Variants in ABCB1 observed in about 807,000 individuals in gnomAD.
ABCB1 encodes ATP binding cassette subfamily B member 1.
In ABCB1, 69 loss-of-function variants were observed where a neutral mutation model predicts 142.0. The observed-to-expected ratio is 0.49, with a 90% confidence interval of 0.40 to 0.59. The LOEUF is 0.59. ABCB1 is among the 20% of genes least tolerant of loss of function. The pLI is 0.00. For synonymous variants in ABCB1, 532 were observed against 539.2 expected (o/e 0.99, Z 0.18); for missense variants, 1,326 against 1,554.7 (o/e 0.85, Z 2.47).
chr7:87,685,124 T>G (rs976351290), intron 1 of ABCB1, among the ~76,000 whole-genome samples: 1 of 152,178 alleles, frequency 6.6e-6, no homozygotes, highest in African/African-American at 2.4e-5. Flanking sequence ...TTTTACTCCC[T>G]GAAAGACACT....
intron 1 of ABCB1, among the ~76,000 whole-genome samples, chr7:87,660,575 C>G (rs1824595927): frequency 6.6e-6 from 1 of 151,646 alleles, no homozygotes; most frequent in South Asian, 2.1e-4. Flanking sequence ...AGAGATTTGT[C>G]TGTTTTATTA....
chr7:87,603,684 C>A (rs575347783), upstream of ABCB1, among the ~76,000 whole-genome samples: 1 of 152,316 alleles, frequency 6.6e-6, no homozygotes, highest in African/African-American at 2.4e-5. Flanking sequence ...ACATGTAAAT[C>A]ATTAAACTAA....
chr7:87,516,576 G>T lies in ABCB1; in HGVS notation c.3017C>A (p.Ala1006Asp). ...TTTTTCAATGATCATGATGATGTGG[G>T]CTGCTGATATTTTGGCTTTGGCATA... ...PDYAKAKISAAHIIMIIEKTP... is the reference protein window; with the variant it reads ...PDYAKAKISADHIIMIIEKTP... Residue 1006 changes from alanine to aspartate, a missense_variant, in exon 24 of 28, where the codon GCC becomes GAC. Physicochemically the swap from Ala to Asp is moderately radical, Grantham distance 126. Transcript: ENST00000622132. The T allele has an allele frequency of 6.2e-7, 1 of 1,614,160 alleles. No homozygotes were observed. The highest frequency in any genetic ancestry group is 1.1e-5 in the South Asian group (1 of 91,090).
chr7:87,709,509 T>A, intron 1 of ABCB1: 1 of 985,404 alleles, frequency 1.0e-6, no homozygotes, highest in Non-Finnish European at 1.2e-6. Context: ...TTGAGCTTGG[T>A]AGGTAAATTG....
chr7:87,658,832 G>C (rs1411633639), intron 1 of ABCB1, among the ~76,000 whole-genome samples: 1 of 152,112 alleles, frequency 6.6e-6, no homozygotes, highest in Non-Finnish European at 1.5e-5. Flanking sequence ...ATGTGTTGCC[G>C]GCAGACTTAC....
chr7:87,649,464 A>G (rs1183285767), intron 1 of ABCB1, among the ~76,000 whole-genome samples: 1 of 152,178 alleles, frequency 6.6e-6, no homozygotes, highest in Non-Finnish European at 1.5e-5. Flanking sequence ...GATAAATTGT[A>G]ATTTTCTCTT....
At chr7:87,642,752 T>C (rs1263322771) in intron 1 of ABCB1, among the ~76,000 whole-genome samples, 1 of 152,138 alleles carries the variant, frequency 6.6e-6, no homozygotes, top group Non-Finnish European at 1.5e-5. Flanking sequence ...TTTTTATGTT[T>C]GGCAATCTGC....
At chr7:87,522,351 G>T in intron 21 of ABCB1, 1 of 730,626 alleles carries the variant, frequency 1.4e-6, no homozygotes, top group South Asian at 1.3e-5. Context: ...GCCAAACCAT[G>T]AAACCAAGGT....
intron 1 of ABCB1, among the ~76,000 whole-genome samples, chr7:87,674,203 C>T (rs956846564): frequency 1.3e-5 from 2 of 152,130 alleles, no homozygotes; most frequent in Admixed American, 6.5e-5. Context: ...CCAGCATCTG[C>T]AGAAGTATAG....
At position 87,643,927 on chromosome 7, in the gene ABCB1, CG is replaced by C. The variant is rs1489783469; in HGVS notation, c.-330-42850del. ...AGGCTGGAGTGCACTGGCACCATCT[CG>C]GCTCACTGCAACCTGTTCCTCCCAG... On this transcript the variant is annotated intron_variant, in intron 1 of 28. Coordinates refer to the ABCB1 transcript ENST00000265724. Among the ~76,000 whole-genome samples the C allele has an allele frequency of 9.2e-5, 14 of 151,980 alleles. No individual in the cohort carries two copies. The East Asian group carries it at 2.3e-3, about 25-fold the overall frequency.
At chr7:87,696,823 A>T (rs1425368531) in intron 1 of ABCB1, among the ~76,000 whole-genome samples, 3 of 152,112 alleles carry the variant, frequency 2.0e-5, no homozygotes, top group African/African-American at 7.2e-5. Flanking sequence ...TCAGTTTGTA[A>T]TCTGGGAAAT....
chr7:87,631,364 T>G (rs1434492049), intron 1 of ABCB1, among the ~76,000 whole-genome samples: 1 of 152,210 alleles, frequency 6.6e-6, no homozygotes, highest in African/African-American at 2.4e-5. Flanking sequence ...ATTTCACTCA[T>G]GTCTCTTATG....
chr7:87,590,445 A>G (rs1485234975), intron 3 of ABCB1, among the ~76,000 whole-genome samples: 1 of 152,240 alleles, frequency 6.6e-6, no homozygotes, highest in African/African-American at 2.4e-5. Context: ...AAAGCCATAC[A>G]TGGTATGACA....
chr7:87,539,407 T>C (rs1021601544), intron 18 of ABCB1, 62 bp from the exon 19 acceptor site: 28 of 1,499,388 alleles, frequency 1.9e-5, no homozygotes, highest in Middle Eastern at 1.7e-4. Context: ...GGAGGGAGAA[T>C]TGATGTCTTT....
At chr7:87,629,719 G>C (rs1821006394) in intron 1 of ABCB1, among the ~76,000 whole-genome samples, 1 of 152,200 alleles carries the variant, frequency 6.6e-6, no homozygotes, top group African/African-American at 2.4e-5. Flanking sequence ...CGAGGTCGGA[G>C]TTCGAGACCA....
chr7:87,693,131 C>T (rs923992842), intron 1 of ABCB1, among the ~76,000 whole-genome samples: 1 of 152,240 alleles, frequency 6.6e-6, no homozygotes, highest in Middle Eastern at 3.4e-3. Flanking sequence ...AATGTTATTT[C>T]AGAAATTTGG....
rs1242393503 is a variant in ABCB1, at chr7:87,521,961, C to A, written c.2686-1085G>T. On this transcript the variant is annotated intron_variant, in intron 21 of 27. Coordinates refer to ENST00000622132, the MANE Select transcript of ABCB1 (RefSeq NM_001348946.2). ...TGGGTAAGACTGTCACTGAGAAATA[C>A]CCATACTGTGAATGGCCACACTTGT... 3.7e-6 allele frequency: 3 copies of A among 800,624 alleles called. No homozygotes were observed. The African/African-American group carries it at 5.0e-5, about 13-fold the overall frequency. The allele number at this position is 800,624 out of a possible 1,614,324, so 49.6% of individuals were successfully genotyped here. A position where few individuals can be genotyped will look rare whatever the true frequency, so the allele number is the denominator to read the frequency against.
rs1412681422 is a variant in ABCB1 at position 87,515,241 on chromosome 7, G to C, written c.3272C>G (p.Ala1091Gly). The C allele has an allele frequency of 6.2e-7, 1 of 1,613,680 alleles. No homozygotes were observed. The highest frequency in any genetic ancestry group is 1.7e-5 in the Admixed American group (1 of 60,030). ...TGAAAGTGTGCTCACCACTTTCCCTGCCAAGGGGTCGTAGAACCGCTCCAG... is the reference window on the plus strand; with the variant it reads ...TGAAAGTGTGCTCACCACTTTCCCTCCCAAGGGGTCGTAGAACCGCTCCAG... Reference protein sequence around the residue: ...QLLERFYDPLAGKVLLDGKEI... With the variant: ...QLLERFYDPLGGKVLLDGKEI... Residue 1091 changes from alanine to glycine, a missense_variant, in exon 25 of 28, where the codon GCA becomes GGA. Physicochemically the swap from Ala to Gly is moderately conservative, Grantham distance 60. Transcript: ENST00000622132.
chr7:87,615,657 G>A (rs1309325223), intron 1 of ABCB1, among the ~76,000 whole-genome samples: 1 of 152,194 alleles, frequency 6.6e-6, no homozygotes, highest in Non-Finnish European at 1.5e-5. Context: ...GATATATTTT[G>A]AGGGTAGCAC....
Sources: gnomAD v4.1 joint callset for allele counts (sites outside exome capture counted in the v4.1 genomes callset) on GRCh38, gnomAD v4.1.1 for gene constraint, MANE v1.5 for transcripts, NCBI Gene and HGNC (gene_info 2026-07-23, HGNC 2026-07-21) for gene names.